Variants in EXTL3 observed in about 807,000 individuals in gnomAD.
EXTL3 encodes the protein exostosin like glycosyltransferase 3, also known as exostosin-like 3.
EXTL3 carries 27 observed loss-of-function variants against 69.3 expected under a neutral mutation model. The ratio of observed to expected loss-of-function variants is 0.39; its 90% CI spans 0.29 to 0.54. EXTL3 has a LOEUF of 0.54. Among genes scored for constraint, EXTL3 ranks in the 20% least tolerant of loss-of-function variants. The probability of loss-of-function intolerance (pLI) is 0.69; values close to 1 mark genes in which losing one functional copy is unlikely to be tolerated. For missense variants in EXTL3, 1,003 were observed against 1,231.8 expected (o/e 0.81, Z 2.78); for synonymous variants, 511 against 499.4 (o/e 1.02, Z -0.31).
chr8:28,718,318 C>A, intron 3 of EXTL3, 111 bp downstream of exon 3: 3 of 1,019,372 alleles, frequency 2.9e-6, no homozygotes, highest in African/African-American at 1.6e-5. Flanking sequence ...GAGGAGAATA[C>A]ATGCATACTC....
Position 28,632,794 on chromosome 8 carries a change from T to C in EXTL3, c.-53+9984T>C, listed in dbSNP as rs182319726. On this transcript the variant is annotated intron_variant, in intron 1 of 6. Transcript: ENST00000523149. ...GTCTCGAACTCCTGACCTCAGGTGATCTGCCTGCCTCGGCCTCCCAAAGTG... is the reference window on the plus strand; with the variant it reads ...GTCTCGAACTCCTGACCTCAGGTGACCTGCCTGCCTCGGCCTCCCAAAGTG... Among the ~76,000 whole-genome samples, 88 of 152,092 alleles carry C rather than the reference T, an allele frequency of 5.8e-4. No homozygotes were observed. The East Asian group carries it at 0.011, about 20-fold the overall frequency.
chr8:28,723,613 C>A (rs1408676350), intron 3 of EXTL3, among the ~76,000 whole-genome samples: 3 of 150,088 alleles, frequency 2.0e-5, no homozygotes, highest in African/African-American at 4.9e-5. Context: ...CTAACTGATA[C>A]CTGTATTAGA....
intron 1 of EXTL3, among the ~76,000 whole-genome samples, chr8:28,671,307 T>C (rs1220247601): frequency 7.0e-6 from 1 of 143,692 alleles, no homozygotes; most frequent in Non-Finnish European, 1.5e-5. Context: ...GTTTTGTTTT[T>C]TGTTTTTTTT....
chr8:28,716,190 C>T lies in EXTL3; in HGVS notation c.131C>T (p.Pro44Leu), dbSNP rs772563405. The change falls in exon 3 of 7, where the codon CCG becomes CTG. Residue 44 changes from proline to leucine, a missense_variant. By Grantham distance (98) the Pro-to-Leu change is moderately conservative. Transcript: ENST00000220562. This position sits in a 1 kb window ranked among gnomAD's most constrained non-coding sequence, Gnocchi z 7.1. ...FTLFVILVFF[P>L]LIAHYYLTTL... ...CTCTTTGTCATCCTGGTCTTCTTCC[C>T]GCTCATCGCCCACTATTACCTCACC... The T allele has an allele frequency of 1.9e-6, 3 of 1,614,060 alleles. No homozygotes were observed. Among genetic ancestry groups the T allele is most frequent in the African/African-American group, 2.7e-5 (2 of 74,924 alleles).
chr8:28,715,929 G>T lies in EXTL3; in HGVS notation c.-131G>T. The T allele has an allele frequency of 1.4e-6, 1 of 696,506 alleles. No homozygotes were observed. Among genetic ancestry groups the T allele is most frequent in the East Asian group, 2.6e-5 (1 of 38,054 alleles). The allele number at this position is 696,506 out of a possible 1,614,324, so 43.1% of individuals were successfully genotyped here. A position where few individuals can be genotyped will look rare whatever the true frequency, so the allele number is the denominator to read the frequency against. On this transcript the variant is annotated 5_prime_UTR_variant, in exon 3 of 7. Transcript: ENST00000220562. ...GAAAATGAAATGTTCATTTTATTTG[G>T]TGCCTTGTCTGGGGAGCACACTAAC... is the stretch of plus-strand genomic sequence containing the variant.
At chr8:28,688,991 T>C (rs527257048) in intron 1 of EXTL3, among the ~76,000 whole-genome samples, 2 of 152,364 alleles carry the variant, frequency 1.3e-5, no homozygotes, top group East Asian at 1.9e-4. Context: ...CTGCATCCAT[T>C]GGGAAACTCA....
chr8:28,667,425 T>C (rs1807214093), intron 1 of EXTL3, among the ~76,000 whole-genome samples: 1 of 152,204 alleles, frequency 6.6e-6, no homozygotes, highest in Non-Finnish European at 1.5e-5. Context: ...GGCCCCTCCT[T>C]CATTCAAGGT....
intron 3 of EXTL3, among the ~76,000 whole-genome samples, chr8:28,719,157 G>T (rs1452886783): frequency 1.3e-5 from 2 of 152,172 alleles, no homozygotes; most frequent in African/African-American, 4.8e-5. Flanking sequence ...TCACTGGGAG[G>T]CCAATTCATT....
intron 5 of EXTL3, 46 bp downstream of exon 5, chr8:28,737,709 A>C (rs1402524914): frequency 1.2e-6 from 2 of 1,606,644 alleles, no homozygotes; most frequent in Non-Finnish European, 1.7e-6. Flanking sequence ...TGAGAGTTTC[A>C]CCTTTGTGTG....
Position 28,716,229 on chromosome 8 carries a change from C to G in EXTL3, c.170C>G (p.Ala57Gly). The change falls in exon 3 of 7, where the codon GCT (alanine) becomes GGT (glycine). Residue 57 changes from alanine (A) to glycine (G), a missense_variant. Physicochemically the swap from Ala to Gly is moderately conservative, Grantham distance 60. This residue lies in a region of EXTL3 where 742 missense variants were observed against 815.4 expected (regional missense o/e 0.91). Transcript: ENST00000220562. The surrounding 1 kb of genome is among the most constrained non-coding windows in gnomAD (Gnocchi z 7.1). Reference sequence around the variant, plus strand: ...TATTACCTCACCACTCTGGATGAGGCTGATGAGGCAGGCAAGCGGATTTTT... The same window carrying G: ...TATTACCTCACCACTCTGGATGAGGGTGATGAGGCAGGCAAGCGGATTTTT... ...AHYYLTTLDE[A>G]DEAGKRIFGP... is the part of the protein sequence containing the mutation. The G allele has an allele frequency of 6.2e-7, 1 of 1,614,220 alleles. No homozygotes were observed.
intron 3 of EXTL3, among the ~76,000 whole-genome samples, chr8:28,728,763 T>C (rs1801468028): frequency 6.6e-6 from 1 of 152,070 alleles, no homozygotes; most frequent in South Asian, 2.1e-4. Context: ...GGTGCATGCC[T>C]GTAGGTCCCA....
chr8:28,610,548 A>T (rs1398665638), intron 2 of EXTL3, among the ~76,000 whole-genome samples: 3 of 152,112 alleles, frequency 2.0e-5, no homozygotes, highest in Non-Finnish European at 2.9e-5. Flanking sequence ...GATTCCAGGA[A>T]CCAAAACAAA....
intron 3 of EXTL3, among the ~76,000 whole-genome samples, chr8:28,728,032 GGGGGAGC>G (rs2130765396): frequency 6.6e-6 from 1 of 152,336 alleles, no homozygotes; most frequent in African/African-American, 2.4e-5. Context: ...AGCTGTGTGA[GGGGGAGC>G]TTTGTTTGGC....
upstream of EXTL3, among the ~76,000 whole-genome samples, chr8:28,622,239 T>C (rs1806419117): frequency 6.6e-6 from 1 of 152,248 alleles, no homozygotes; most frequent in African/African-American, 2.4e-5. Context: ...CTTATGTCGC[T>C]AAGCGGGAGG....
chr8:28,615,054 T>A (rs1205819128), intron 2 of EXTL3, among the ~76,000 whole-genome samples: 1 of 145,164 alleles, frequency 6.9e-6, no homozygotes, highest in Non-Finnish European at 1.5e-5. Flanking sequence ...TATTTGAGAA[T>A]TTTCCAGCTA....
intron 1 of EXTL3, among the ~76,000 whole-genome samples, chr8:28,691,571 G>GTTTTTTTTTTTTTTTTT (rs1800612428): frequency 1.5e-5 from 1 of 66,006 alleles, no homozygotes; most frequent in African/African-American, 8.5e-5. Flanking sequence ...CAGTTTTTGT[G>GTTTTTTTTTTTTTTTTT]ATTTTTTTTT....
At chr8:28,619,957 A>G (rs1585216858), upstream of EXTL3, among the ~76,000 whole-genome samples, 3 of 122,368 alleles carry the variant, frequency 2.5e-5, no homozygotes, top group South Asian at 5.6e-4. Flanking sequence ...TGAAAGCTCC[A>G]CCTCCCGGGT....
At chr8:28,653,874 C>G (rs1410088514) in intron 1 of EXTL3, among the ~76,000 whole-genome samples, 3 of 152,188 alleles carry the variant, frequency 2.0e-5, no homozygotes, top group Non-Finnish European at 2.9e-5. Flanking sequence ...TTTTGAGTCT[C>G]TTAATTCTTT....
intron 3 of EXTL3, among the ~76,000 whole-genome samples, chr8:28,727,864 G>T (rs1195883019): frequency 6.6e-6 from 1 of 152,220 alleles, no homozygotes; most frequent in African/African-American, 2.4e-5. Context: ...CCGGTGGTGT[G>T]TGCTGCTGGT....
Sources: allele counts gnomAD v4.1 joint callset (sites outside exome capture counted in the v4.1 genomes callset), GRCh38; gene constraint gnomAD v4.1.1; regional missense constraint gnomAD v4.1.1; non-coding constraint Gnocchi (gnomAD v3.1); transcripts MANE v1.5; gene names NCBI Gene and HGNC (gene_info 2026-07-23, HGNC 2026-07-21).